Variants in TTC3 observed in about 807,000 individuals in gnomAD.
TTC3 encodes the protein E3 ubiquitin-protein ligase TTC3.
A neutral mutation model predicts 249.6 loss-of-function variants in TTC3; 180 were observed. That is an observed-to-expected ratio of 0.72 (90% CI 0.64 to 0.82). The LOEUF is 0.82. TTC3 is among the 40% of genes least tolerant of loss of function. The pLI, the probability that TTC3 is intolerant of heterozygous loss-of-function variation, is 0.00. For missense variants in TTC3, 2,061 were observed against 2,398.4 expected (o/e 0.86, Z 2.94); for synonymous variants, 717 against 805.0 (o/e 0.89, Z 1.85).
intron 10 of TTC3, chr21:37,101,183 G>C (rs1568915797): frequency 6.6e-6 from 1 of 152,216 alleles, no homozygotes; most frequent in Non-Finnish European, 1.5e-5. Context: ...ATTCATTTAA[G>C]TATTTACCCA....
intron 11 of TTC3, among the ~76,000 whole-genome samples, chr21:37,110,004 G>A (rs9981479): frequency 0.46 from 69,191 of 151,684 alleles, 16,287 homozygotes; most frequent in Non-Finnish European, 0.52. Context: ...GAGGCTCCTG[G>A]CTGTTAGAAG....
At chr21:37,149,953 A>T in intron 23 of TTC3, 125 bp from the exon 24 acceptor site, 1 of 662,418 alleles carries the variant, frequency 1.5e-6, no homozygotes. Context: ...GATTTTCACC[A>T]CTTGCCTGAA....
At chr21:37,081,730 T>C (rs2071691906) in intron 1 of TTC3, 1 of 152,174 alleles carries the variant, frequency 6.6e-6, no homozygotes, top group Non-Finnish European at 1.5e-5. Flanking sequence ...TGTTTCTCTT[T>C]ACCAGAATTT....
intron 12 of TTC3, 22 bp from the exon 13 acceptor site, chr21:37,122,961 G>C (rs780764842): frequency 6.8e-7 from 1 of 1,460,906 alleles, no homozygotes; most frequent in Non-Finnish European, 9.0e-7. Context: ...CTATGTGTGT[G>C]TGTGTGTGAT....
At chr21:37,155,397 A>G (rs2079950738) in intron 27 of TTC3, among the ~76,000 whole-genome samples, 1 of 152,190 alleles carries the variant, frequency 6.6e-6, no homozygotes, top group Non-Finnish European at 1.5e-5. Flanking sequence ...ACTGACCACA[A>G]GCTCTGACGT....
At chr21:37,179,105 C>A (rs985492003) in intron 35 of TTC3, among the ~76,000 whole-genome samples, 1 of 152,024 alleles carries the variant, frequency 6.6e-6, no homozygotes, top group Non-Finnish European at 1.5e-5. Flanking sequence ...GACCCTCACT[C>A]GCTACAAAAA....
chr21:37,094,076 A>G lies in TTC3; in HGVS notation c.673A>G (p.Met225Val). The stretch of plus-strand genomic sequence containing the variant: ...TGAAGAACTTAAAACTCAAAGTTGT[A>G]TGGATTGTATAGAGGTGAGAATGAA... The change falls in exon 8 of 46, where the codon ATG (methionine) becomes GTG (valine). Residue 225 changes from methionine to valine, a missense_variant. Around this residue, in one of 3 missense-constraint regions of TTC3, gnomAD observed 989 missense variants for 1,145.1 expected, o/e 0.86. Transcript: ENST00000355666. 1 of 1,599,882 alleles carries G rather than the reference A, an allele frequency of 6.3e-7. No individual in the cohort carries two copies. The highest frequency in any genetic ancestry group is 8.6e-7 in the Non-Finnish European group (1 of 1,169,436).
rs1469108385 is a variant in TTC3 at position 37,198,027 on chromosome 21, T to C, written c.5850+2T>C. On this transcript the variant is annotated splice_donor_variant, in intron 44 of 45. Coordinates refer to ENST00000355666, the Ensembl canonical transcript of TTC3. LOFTEE classifies it high-confidence loss of function. ...GCAGAAGATGTCCCTGTGAGGATTGTATGTATAACTGTATAGTTTTGTTTT... is the reference window on the plus strand; with the variant it reads ...GCAGAAGATGTCCCTGTGAGGATTGCATGTATAACTGTATAGTTTTGTTTT... The C allele has an allele frequency of 5.6e-6, 9 of 1,596,896 alleles. No individual in the cohort carries two copies.
chr21:37,144,006 C>T (rs1269059379), intron 20 of TTC3, among the ~76,000 whole-genome samples: 1 of 151,592 alleles, frequency 6.6e-6, no homozygotes, highest in African/African-American at 2.4e-5. Context: ...AAAAACCAAA[C>T]ACCGCATGTT....
intron 11 of TTC3, among the ~76,000 whole-genome samples, chr21:37,115,678 C>G (rs532622978): frequency 6.6e-6 from 1 of 152,182 alleles, no homozygotes. Flanking sequence ...GATCTGTCCC[C>G]GTCTTGAACA....
In TTC3 at chr21:37,108,447, G is replaced by A. The variant is rs756995166; in HGVS notation, c.900+1G>A. 1.9e-6 allele frequency: 3 copies of A among 1,612,294 alleles called. No homozygotes were observed. The highest frequency in any genetic ancestry group is 2.5e-6 in the Non-Finnish European group (3 of 1,179,518). On this transcript the variant is annotated splice_donor_variant, in intron 11 of 45. Transcript: ENST00000355666. LOFTEE classifies it high-confidence loss of function. ...TATTCTGAAGAACACTTGGCCAAAG[G>A]TAGGTTTCTTCTGTATTTTATATTG...
At chr21:37,166,969 C>A (rs1053296974) in intron 33 of TTC3, among the ~76,000 whole-genome samples, 3 of 151,996 alleles carry the variant, frequency 2.0e-5, no homozygotes, top group Non-Finnish European at 4.4e-5. Flanking sequence ...GGAAGTGTAG[C>A]CTGCATCACA....
intron 11 of TTC3, among the ~76,000 whole-genome samples, chr21:37,109,691 T>A (rs1195265064): frequency 6.6e-6 from 1 of 152,230 alleles, no homozygotes; most frequent in Non-Finnish European, 1.5e-5. Flanking sequence ...AATGTCCCTG[T>A]CTGACAGCTT....
intron 1 of TTC3, among the ~76,000 whole-genome samples, chr21:37,079,099 T>G (rs2146869706): frequency 6.6e-6 from 1 of 152,344 alleles, no homozygotes; most frequent in East Asian, 1.9e-4. Context: ...TTCTTTTATA[T>G]TCTTTCTTGA....
At chr21:37,109,386 C>T (rs919371230) in intron 11 of TTC3, among the ~76,000 whole-genome samples, 2 of 152,230 alleles carry the variant, frequency 1.3e-5, no homozygotes, top group African/African-American at 4.8e-5. Flanking sequence ...TTCCAATGGG[C>T]TTATCAAACG....
chr21:37,083,039 C>G (rs1388446512), intron 1 of TTC3: 1 of 985,200 alleles, frequency 1.0e-6, no homozygotes, highest in Non-Finnish European at 1.2e-6. Context: ...CAGAGATAAA[C>G]CTGTGATGGT....
At position 37,160,783 on chromosome 21, in the gene TTC3, T is replaced by A; in HGVS notation, c.3040-19T>A. ...TGCTGTTATTTGAGTGTTCACTGATTTTTCCCCCCATTTTTTAGTTTAGTT... is the reference window on the plus strand; with the variant it reads ...TGCTGTTATTTGAGTGTTCACTGATATTTCCCCCCATTTTTTAGTTTAGTT... On this transcript the variant is annotated intron_variant, in intron 29 of 45. Transcript: ENST00000355666. The A allele has an allele frequency of 6.2e-7, 1 of 1,612,450 alleles. No individual in the cohort carries two copies. Among genetic ancestry groups the A allele is most frequent in the African/African-American group, 1.3e-5 (1 of 74,930 alleles).
chr21:37,192,345 G>A (rs1031390106), intron 41 of TTC3, 132 bp downstream of exon 41: 14 of 579,824 alleles, frequency 2.4e-5, no homozygotes, highest in African/African-American at 3.8e-5. Flanking sequence ...TTTCATTATT[G>A]GTGCTACTGA....
At chr21:37,177,138 A>G (rs1404382765) in intron 35 of TTC3, among the ~76,000 whole-genome samples, 1 of 152,056 alleles carries the variant, frequency 6.6e-6, no homozygotes, top group Non-Finnish European at 1.5e-5. Context: ...CTGGCTGTAG[A>G]TTGATCTAGA....
Sources: gnomAD v4.1 joint callset for allele counts (sites outside exome capture counted in the v4.1 genomes callset) on GRCh38, gnomAD v4.1.1 for gene constraint, gnomAD v4.1.1 regional missense constraint, MANE v1.5 for transcripts, NCBI Gene and HGNC (gene_info 2026-07-23, HGNC 2026-07-21) for gene names.